Variants in STRBP observed in about 807,000 individuals in gnomAD.
STRBP encodes the protein spermatid perinuclear RNA-binding protein.
Under a neutral mutation model 80.1 loss-of-function variants are expected in STRBP, and 13 were observed. That is an observed-to-expected ratio of 0.16 (90% CI 0.11 to 0.26). The LOEUF (loss-of-function observed/expected upper bound fraction) is 0.26. Among genes scored for constraint, STRBP ranks in the 10% least tolerant of loss-of-function variants. STRBP has a pLI of 1.00. For synonymous variants in STRBP, 284 were observed against 291.2 expected (o/e 0.98, Z 0.25); for missense variants, 485 against 815.2 (o/e 0.59, Z 4.93).
At chr9:123,251,185 CCTT>C (rs1373898024) in intron 1 of STRBP, among the ~76,000 whole-genome samples, 3 of 151,676 alleles carry the variant, frequency 2.0e-5, no homozygotes, top group Non-Finnish European at 2.9e-5. Flanking sequence ...TTCTTTCTTT[CCTT>C]CTTTTCTTTT....
chr9:123,221,449 T>A (rs1259533279), intron 2 of STRBP, among the ~76,000 whole-genome samples: 1 of 152,148 alleles, frequency 6.6e-6, no homozygotes, highest in Non-Finnish European at 1.5e-5. Flanking sequence ...CCCTTCAGAG[T>A]CATATTTTAT....
chr9:123,236,256 GCTA>G (rs755787223), intron 2 of STRBP, among the ~76,000 whole-genome samples: 7 of 152,058 alleles, frequency 4.6e-5, no homozygotes, highest in Non-Finnish European at 8.8e-5. Context: ...CACAATACAT[GCTA>G]CTTACTAAGA....
At position 123,159,257 on chromosome 9, in the gene STRBP, A is replaced by G. The variant is rs376300696; in HGVS notation, c.724-50T>C. 6 of 1,343,370 alleles carry G rather than the reference A, an allele frequency of 4.5e-6. No individual in the cohort carries two copies. The African/African-American group carries it at 5.8e-5, about 13-fold the overall frequency. The allele number at this position is 1,343,370 out of a possible 1,614,324, so 83.2% of individuals were successfully genotyped here. ...AGTACATGCACCAAGTGTTAAAAGG[A>G]TTCCAGTTAAATGTGAGCTAACATT... On this transcript the variant is annotated intron_variant, in intron 8 of 18. Transcript: ENST00000348403.
intron 2 of STRBP, among the ~76,000 whole-genome samples, chr9:123,196,014 T>C (rs555714038): frequency 6.6e-6 from 1 of 151,792 alleles, no homozygotes; most frequent in East Asian, 1.9e-4. Flanking sequence ...CATGCTGATA[T>C]AAAAACAGAC....
downstream of STRBP, among the ~76,000 whole-genome samples, chr9:123,117,958 C>T (rs1358060239): frequency 1.3e-5 from 2 of 152,196 alleles, no homozygotes; most frequent in Non-Finnish European, 2.9e-5. Context: ...AATCGTTCTT[C>T]ACAACCAATT....
chr9:123,158,121 A>G lies in STRBP; in HGVS notation c.936T>C (p.His312=), dbSNP rs1295647533. Residue 312 remains histidine, a splice_region_variant and synonymous_variant, in exon 11 of 19, where the codon CAT becomes CAC. Transcript: ENST00000348403. ...QKEDITHSAQ[H]ALRLSAFGQI... ...GGCCAAAGGCTGATAGTCTGAGTGC[A>G]TGCTAAAGAACAAAGTATTATATTT... 1.2e-6 allele frequency: 2 copies of G among 1,606,402 alleles called. No individual in the cohort carries two copies. The highest frequency in any genetic ancestry group is 2.2e-5 in the East Asian group (1 of 44,846).
intron 1 of STRBP, among the ~76,000 whole-genome samples, chr9:123,257,530 T>G (rs1257208001): frequency 1.3e-5 from 2 of 152,214 alleles, no homozygotes; most frequent in Non-Finnish European, 2.9e-5. Context: ...ATACTTTATC[T>G]CTGGCTGGGC....
chr9:123,182,259 T>TA (rs1474874256), intron 3 of STRBP, among the ~76,000 whole-genome samples: 1 of 107,732 alleles, frequency 9.3e-6, no homozygotes, highest in Non-Finnish European at 2.1e-5. Context: ...GACAAAAAAT[T>TA]AAATCAGAAG....
chr9:123,157,028 CA>C (rs2037317082), intron 11 of STRBP, among the ~76,000 whole-genome samples: 2 of 151,812 alleles, frequency 1.3e-5, no homozygotes, highest in Admixed American at 6.6e-5. Flanking sequence ...GGACAAGAGT[CA>C]AAAAAATAAG....
At chr9:123,200,762 T>TTTTTA (rs1554762956) in intron 2 of STRBP, among the ~76,000 whole-genome samples, 4 of 133,486 alleles carry the variant, frequency 3.0e-5, no homozygotes, top group African/African-American at 1.2e-4. Flanking sequence ...TTTTTTTTTT[T>TTTTTA]AGTAGAGACC....
chr9:123,267,534 G>A (rs1157450875), intron 1 of STRBP, among the ~76,000 whole-genome samples: 1 of 150,902 alleles, frequency 6.6e-6, no homozygotes, highest in African/African-American at 2.4e-5. Context: ...TATACACCTG[G>A]CCACACACTC....
downstream of STRBP, among the ~76,000 whole-genome samples, chr9:123,119,468 G>A (rs753696982): frequency 2.0e-5 from 3 of 146,780 alleles, no homozygotes; most frequent in Non-Finnish European, 3.0e-5. Context: ...ACAGACACAT[G>A]AGCAACTTCC....
At chr9:123,190,340 CA>C (rs1259772372) in intron 2 of STRBP, among the ~76,000 whole-genome samples, 2 of 151,106 alleles carry the variant, frequency 1.3e-5, no homozygotes, top group Non-Finnish European at 3.0e-5. Flanking sequence ...CATATAAATC[CA>C]ATACTCTCCC....
At chr9:123,262,943 C>T (rs958847553) in intron 1 of STRBP, among the ~76,000 whole-genome samples, 2 of 152,142 alleles carry the variant, frequency 1.3e-5, no homozygotes, top group African/African-American at 4.8e-5. Context: ...ATTAATCTGG[C>T]CTTATTTACT....
intron 3 of STRBP, among the ~76,000 whole-genome samples, chr9:123,181,845 A>G (rs1231150144): frequency 6.8e-6 from 1 of 148,018 alleles, no homozygotes; most frequent in Admixed American, 6.7e-5. Context: ...AAGAAACAGT[A>G]ACAGGAAAAA....
rs1274575558 is a variant in STRBP at position 123,110,071 on chromosome 9, C to T, written c.*85-318G>A. 1 of 152,288 alleles carries T rather than the reference C, an allele frequency of 6.6e-6. No homozygotes were observed. Among genetic ancestry groups the T allele is most frequent in the East Asian group, 1.9e-4 (1 of 5,170 alleles). 9.4% of individuals were successfully genotyped at this position (152,288 alleles called of 1,614,324 possible). On this transcript the variant is annotated intron_variant and NMD_transcript_variant, in intron 3 of 3. Coordinates refer to the STRBP transcript ENST00000471564. This position sits in a 1 kb window ranked among gnomAD's most constrained non-coding sequence, Gnocchi z 4.1. ...TTCTATCCACGACTACGCTCAGCCT[C>T]CTCCTGCCTCCCCCACCCTTGGGCC... is the stretch of plus-strand genomic sequence containing the variant.
At chr9:123,251,456 C>A (rs1267329338) in intron 1 of STRBP, among the ~76,000 whole-genome samples, 1 of 152,188 alleles carries the variant, frequency 6.6e-6, no homozygotes, top group East Asian at 1.9e-4. Flanking sequence ...CAAAATCAGG[C>A]CTGTGTGACT....
rs184633362 is a variant in STRBP, at chr9:123,200,508, C to T, written c.-164-16210G>A. On this transcript the variant is annotated intron_variant, in intron 2 of 18. Transcript: ENST00000348403. The stretch of plus-strand genomic sequence containing the variant: ...GGATTGGTACCAAGTCTCTGAATGT[C>T]TGGTAGAATTCAGCTGTGAATTCAT... Among the ~76,000 whole-genome samples, 198 of 151,012 alleles carry T rather than the reference C, an allele frequency of 1.3e-3. 1 individual carries two copies. The highest frequency in any genetic ancestry group is 4.7e-3 in the African/African-American group (193 of 41,158).
intron 1 of STRBP, among the ~76,000 whole-genome samples, chr9:123,250,614 A>G (rs1275024228): frequency 6.6e-6 from 1 of 152,192 alleles, no homozygotes; most frequent in Non-Finnish European, 1.5e-5. Flanking sequence ...AGGGAAATGC[A>G]GCCATTTCTC....
Sources: gnomAD v4.1 joint callset for allele counts (sites outside exome capture counted in the v4.1 genomes callset) on GRCh38, gnomAD v4.1.1 for gene constraint, Gnocchi (gnomAD v3.1) non-coding constraint, MANE v1.5 for transcripts, NCBI Gene and HGNC (gene_info 2026-07-23, HGNC 2026-07-21) for gene names.